Variants in KANTR observed in about 807,000 individuals in gnomAD.
KANTR encodes KANTR integral membrane protein.
exon 3 of KANTR, chrX:53,124,187 C>A: frequency 2.2e-4 from 60 of 275,754 alleles, no homozygotes; most frequent in Admixed American, 1.9e-4. Flanking sequence ...TAACAGTTTT[C>A]TAGGAGTTGG....
At chrX:53,117,177 A>C (rs1288627651) in intron 2 of KANTR, among the ~76,000 whole-genome samples, 4 of 88,667 alleles carry the variant, frequency 4.5e-5, no homozygotes, top group Non-Finnish European at 9.0e-5. Context: ...AGCTACTTGG[A>C]AGGCTGAGGT....
At chrX:53,109,088 G>A (rs1932992225) in intron 2 of KANTR, among the ~76,000 whole-genome samples, 1 of 111,903 alleles carries the variant, frequency 8.9e-6, no homozygotes, top group Non-Finnish European at 1.9e-5. Context: ...TATAGAGATT[G>A]CATTAAATTT....
intron 2 of KANTR, among the ~76,000 whole-genome samples, chrX:53,100,673 C>G (rs1173459281): frequency 5.5e-5 from 6 of 109,388 alleles, no homozygotes; most frequent in Non-Finnish European, 1.1e-4. Context: ...TGGCGGGCAC[C>G]TGTAATCCCA....
At chrX:53,111,607 T>C (rs782810761) in intron 2 of KANTR, among the ~76,000 whole-genome samples, 1 of 112,158 alleles carries the variant, frequency 8.9e-6, no homozygotes, top group African/African-American at 3.2e-5. Context: ...GTGAGTTTTA[T>C]ACTTTCATAT....
chrX:53,108,902 A>G (rs991878823), intron 2 of KANTR, among the ~76,000 whole-genome samples: 1 of 111,106 alleles, frequency 9.0e-6, no homozygotes, highest in Admixed American at 9.6e-5. Context: ...GGGTCTCACT[A>G]TGTTGTCCAG....
At chrX:53,129,268 T>TGTGTGTGTGTGTGTG (rs1569239787), downstream of KANTR, among the ~76,000 whole-genome samples, 5 of 106,391 alleles carry the variant, frequency 4.7e-5, no homozygotes, top group Non-Finnish European at 5.8e-5. Context: ...TGTGTGTGTG[T>TGTGTGTGTGTGTGTG]TTAGTAGAGA....
chrX:53,113,782 T>C (rs1556814166), intron 2 of KANTR, among the ~76,000 whole-genome samples: 1 of 109,554 alleles, frequency 9.1e-6, no homozygotes, highest in African/African-American at 3.3e-5. Flanking sequence ...GGTTTCACCA[T>C]GTTGATCAGG....
downstream of KANTR, among the ~76,000 whole-genome samples, chrX:53,146,249 A>G (rs1458358372): frequency 1.8e-4 from 20 of 111,718 alleles, no homozygotes; most frequent in Non-Finnish European, 3.0e-4. Flanking sequence ...CCTTGAAAAA[A>G]GATTAGACAA....
chrX:53,144,135 C>T (rs1556818936), downstream of KANTR, among the ~76,000 whole-genome samples: 1 of 111,793 alleles, frequency 8.9e-6, no homozygotes, highest in Non-Finnish European at 1.9e-5. Context: ...GTGGCTACGC[C>T]TGTAATCCTA....
At chrX:53,117,609 GTTTTTT>G (rs869034016) in intron 2 of KANTR, among the ~76,000 whole-genome samples, 129 of 63,846 alleles carry the variant, frequency 2.0e-3, no homozygotes, top group African/African-American at 8.5e-3. Flanking sequence ...GTGTGTGTGT[GTTTTTT>G]TTTTTTTTTT....
chrX:53,132,330 A>G (rs1602126281), downstream of KANTR, among the ~76,000 whole-genome samples: 1 of 111,973 alleles, frequency 8.9e-6, no homozygotes, highest in South Asian at 3.7e-4. Flanking sequence ...CCACAGGATT[A>G]GGACTATCAG....
chrX:53,096,876 C>A (rs1932848645), intron 1 of KANTR, among the ~76,000 whole-genome samples: 1 of 109,074 alleles, frequency 9.2e-6, no homozygotes, highest in African/African-American at 3.3e-5. Flanking sequence ...CACCTGTAAT[C>A]CCAGCACTTT....
intron 2 of KANTR, among the ~76,000 whole-genome samples, chrX:53,122,211 A>T (rs1188714449): frequency 1.8e-5 from 2 of 111,444 alleles, no homozygotes; most frequent in Middle Eastern, 4.2e-3. Flanking sequence ...TCCCTTTCAC[A>T]TGCTCCCATC....
chrX:53,121,143 C>T (rs1569238285), intron 2 of KANTR, among the ~76,000 whole-genome samples: 1 of 109,311 alleles, frequency 9.1e-6, no homozygotes, highest in Non-Finnish European at 1.9e-5. Flanking sequence ...GGATTACAGG[C>T]TCCCACCACC....
exon 3 of KANTR, chrX:53,142,468 A>G: frequency 4.5e-6 from 1 of 221,758 alleles, no homozygotes; most frequent in South Asian, 5.6e-5. Flanking sequence ...GGCGAATGCC[A>G]CCATGCCTGG....
chrX:53,135,778 T>G (rs782123070), intron 2 of KANTR, among the ~76,000 whole-genome samples: 5 of 111,803 alleles, frequency 4.5e-5, no homozygotes, highest in Non-Finnish European at 7.5e-5. Flanking sequence ...CCCAGCCAAC[T>G]TGTGGACAGC....
chrX:53,130,199 T>G (rs1602125708), downstream of KANTR, among the ~76,000 whole-genome samples: 1 of 112,302 alleles, frequency 8.9e-6, no homozygotes, highest in Non-Finnish European at 1.9e-5. Flanking sequence ...CATATATATT[T>G]CGTTGTCAGC....
exon 3 of KANTR, chrX:53,124,275 G>T (rs1933265448): frequency 3.4e-6 from 1 of 296,380 alleles, no homozygotes; most frequent in East Asian, 4.8e-5. Flanking sequence ...CTGTAACAAT[G>T]TCTCCTTTTT....
At chrX:53,112,003 G>A (rs1283870912) in intron 2 of KANTR, among the ~76,000 whole-genome samples, 2 of 110,310 alleles carry the variant, frequency 1.8e-5, no homozygotes, top group Admixed American at 2.0e-4. Flanking sequence ...GGTTTTTGGG[G>A]AACAGGTGGT....
Sources: gnomAD v4.1 joint callset for allele counts (sites outside exome capture counted in the v4.1 genomes callset) on GRCh38, gnomAD v4.1.1 for gene constraint, MANE v1.5 for transcripts, NCBI Gene and HGNC (gene_info 2026-07-23, HGNC 2026-07-21) for gene names.